GRIA1: variants seen among roughly 807,000 people sequenced by gnomAD.
GRIA1 encodes glutamate ionotropic receptor AMPA type subunit 1.
A neutral mutation model predicts 99.2 loss-of-function variants in GRIA1; 31 were observed. The observed-to-expected ratio is 0.31, with a 90% CI of 0.23 to 0.42. The LOEUF (loss-of-function observed/expected upper bound fraction) is 0.42. GRIA1 is among the 10% of genes least tolerant of loss of function. GRIA1 has a pLI of 1.00. For missense variants in GRIA1, 782 were observed against 1,157.5 expected (o/e 0.68, Z 4.71); for synonymous variants, 438 against 432.4 (o/e 1.01, Z -0.16).
intron 11 of GRIA1, among the ~76,000 whole-genome samples, chr5:153,747,983 T>A (rs1261545867): frequency 6.6e-6 from 1 of 152,276 alleles, no homozygotes; most frequent in Non-Finnish European, 1.5e-5. Flanking sequence ...ATTCAGTGTA[T>A]GTTCACTGAG....
At chr5:153,695,733 A>G (rs1469427348) in intron 8 of GRIA1, among the ~76,000 whole-genome samples, 2 of 152,206 alleles carry the variant, frequency 1.3e-5, no homozygotes, top group East Asian at 3.8e-4. Flanking sequence ...GACTAACAGC[A>G]TCCCTCACAG....
At chr5:153,604,256 C>T (rs1765260696) in intron 2 of GRIA1, among the ~76,000 whole-genome samples, 1 of 152,098 alleles carries the variant, frequency 6.6e-6, no homozygotes. Context: ...GCTCTTGCCT[C>T]AGAATGAAAC....
chr5:153,572,393 G>A (rs1015737135), intron 2 of GRIA1, among the ~76,000 whole-genome samples: 1 of 152,092 alleles, frequency 6.6e-6, no homozygotes, highest in Admixed American at 6.5e-5. Context: ...GCAAGCGGGA[G>A]GCACATTTTC....
intron 11 of GRIA1, among the ~76,000 whole-genome samples, chr5:153,756,307 A>G (rs1384484395): frequency 6.6e-6 from 1 of 151,762 alleles, no homozygotes. Context: ...CCCATGCAGG[A>G]AATTAGTTGG....
In GRIA1 at chr5:153,494,214, T is replaced by G. The variant is rs540824573; in HGVS notation, c.220+149T>G. ...CCTCCAAGAAAAATTTCTAGAGGCT[T>G]CTGAGTGATTCCAGCAGTTGGCATT... On this transcript the variant is annotated intron_variant, in intron 2 of 15. Coordinates refer to ENST00000285900, the MANE Select transcript of GRIA1 (RefSeq NM_000827.4). 8.3e-6 allele frequency: 6 copies of G among 720,642 alleles called. No individual in the cohort carries two copies. In the South Asian group the frequency reaches 1.1e-4, roughly 14 times the overall value. 44.6% of individuals were successfully genotyped at this position (720,642 alleles called of 1,614,324 possible).
intron 8 of GRIA1, among the ~76,000 whole-genome samples, chr5:153,686,563 A>T (rs1352425492): frequency 6.6e-6 from 1 of 152,156 alleles, no homozygotes; most frequent in Non-Finnish European, 1.5e-5. Flanking sequence ...AAATCTCTAC[A>T]TTTGTCCCAG....
intron 11 of GRIA1, among the ~76,000 whole-genome samples, chr5:153,743,817 G>C (rs138581560): frequency 2.2e-3 from 337 of 152,270 alleles, no homozygotes; most frequent in Middle Eastern, 0.01. Context: ...TAACACCAGG[G>C]GGCAGAGGTC....
chr5:153,634,186 C>T (rs988012112), intron 2 of GRIA1, among the ~76,000 whole-genome samples: 5 of 151,880 alleles, frequency 3.3e-5, no homozygotes, highest in Non-Finnish European at 7.4e-5. Flanking sequence ...GTCGTGATGG[C>T]AGGCACCTGT....
rs182718463 is a variant in GRIA1 at position 153,763,372 on chromosome 5, G to A, written c.1824-1062G>A. On this transcript the variant is annotated intron_variant, in intron 11 of 15. Coordinates refer to ENST00000285900, the MANE Select transcript of GRIA1 (RefSeq NM_000827.4). ...GGTTGCATTGGTGATTTCTCTGATT[G>A]TTAAATATAGGGTTTCAATTAAACA... 2.0e-5 allele frequency among the ~76,000 whole-genome samples: 3 copies of A among 152,286 alleles called. No individual in the cohort carries two copies. The South Asian group carries it at 6.2e-4, about 32-fold the overall frequency.
At chr5:153,742,714 C>T (rs1761892257) in intron 11 of GRIA1, among the ~76,000 whole-genome samples, 1 of 152,214 alleles carries the variant, frequency 6.6e-6, no homozygotes, top group South Asian at 2.1e-4. Context: ...CTTCTCCAAG[C>T]CAGCAATGGA....
intron 2 of GRIA1, among the ~76,000 whole-genome samples, chr5:153,592,402 G>A (rs1764051168): frequency 6.6e-6 from 1 of 151,746 alleles, no homozygotes; most frequent in Non-Finnish European, 1.5e-5. Flanking sequence ...AGTCCTGTCT[G>A]TGCCGTGGTC....
At chr5:153,745,817 G>T (rs1375270503) in intron 11 of GRIA1, among the ~76,000 whole-genome samples, 2 of 152,012 alleles carry the variant, frequency 1.3e-5, no homozygotes, top group African/African-American at 4.8e-5. Flanking sequence ...TTTAAATGGG[G>T]TCATATAGTG....
chr5:153,491,245 G>A (rs1753886588), intron 1 of GRIA1: 4 of 1,242,334 alleles, frequency 3.2e-6, no homozygotes, highest in Middle Eastern at 3.0e-4. Flanking sequence ...CGCTTTGGAG[G>A]AAAAAAAAAA....
intron 2 of GRIA1, among the ~76,000 whole-genome samples, chr5:153,614,837 A>G (rs1470199649): frequency 6.6e-6 from 1 of 152,236 alleles, no homozygotes; most frequent in Non-Finnish European, 1.5e-5. Context: ...ACGCTGTGAT[A>G]TAGATCATGA....
At chr5:153,533,044 G>A (rs1349964087) in intron 2 of GRIA1, among the ~76,000 whole-genome samples, 4 of 152,114 alleles carry the variant, frequency 2.6e-5, no homozygotes, top group Non-Finnish European at 4.4e-5. Flanking sequence ...TGTGAATCTA[G>A]ACTTGCTAGC....
At chr5:153,667,610 C>A (rs1159519712) in intron 5 of GRIA1, among the ~76,000 whole-genome samples, 2 of 152,304 alleles carry the variant, frequency 1.3e-5, no homozygotes, top group African/African-American at 2.4e-5. Context: ...TTTATTAATT[C>A]TTTTAAACCG....
Position 153,639,741 on chromosome 5 carries a change from C to T in GRIA1, c.221-7187C>T, listed in dbSNP as rs1303075516. On this transcript the variant is annotated intron_variant, in intron 2 of 15. Transcript: ENST00000285900. ...TTTATCCAGTGATGTATACCCCTAG[C>T]ACCAGCTTGCTGCCTAGCATACACT... Among the ~76,000 whole-genome samples, 4 of 152,206 alleles carry T rather than the reference C, an allele frequency of 2.6e-5. No individual in the cohort carries two copies. In the East Asian group the frequency reaches 7.7e-4, roughly 29 times the overall value.
At chr5:153,666,086 C>T (rs1755723259) in intron 5 of GRIA1, among the ~76,000 whole-genome samples, 4 of 152,116 alleles carry the variant, frequency 2.6e-5, no homozygotes, top group Admixed American at 2.0e-4. Flanking sequence ...CAATAGACTA[C>T]ACAAAAAAGT....
At chr5:153,555,062 C>T (rs1212252010) in intron 2 of GRIA1, among the ~76,000 whole-genome samples, 2 of 152,002 alleles carry the variant, frequency 1.3e-5, no homozygotes, top group Non-Finnish European at 2.9e-5. Context: ...ACCTCTGATT[C>T]TCAGTGATGT....
Sources: gnomAD v4.1 joint callset for allele counts (sites outside exome capture counted in the v4.1 genomes callset) on GRCh38, gnomAD v4.1.1 for gene constraint, MANE v1.5 for transcripts, NCBI Gene and HGNC (gene_info 2026-07-23, HGNC 2026-07-21) for gene names.